SLIT3: variants seen among roughly 807,000 people sequenced by gnomAD.
SLIT3 encodes the protein slit homolog 3 protein.
Under a neutral mutation model 184.0 loss-of-function variants are expected in SLIT3, and 68 were observed. That is an observed-to-expected ratio of 0.37 (90% CI 0.30 to 0.45). SLIT3 has a LOEUF of 0.45. SLIT3 is among the 20% of genes least tolerant of loss of function. The pLI, the probability that SLIT3 is intolerant of heterozygous loss-of-function variation, is 1.00. For missense variants in SLIT3, 1,707 were observed against 2,026.0 expected, an observed-to-expected ratio of 0.84 and a Z score of 3.02; for synonymous variants, 831 against 828.6, an observed-to-expected ratio of 1.00 and a Z score of -0.05.
chr5:168,773,663 C>A (rs905457550), intron 13 of SLIT3, among the ~76,000 whole-genome samples: 5 of 152,106 alleles, frequency 3.3e-5, no homozygotes, highest in African/African-American at 1.2e-4. Context: ...GGGCTGAAAT[C>A]TGTACTTGGA....
intron 4 of SLIT3, among the ~76,000 whole-genome samples, chr5:168,950,345 T>C (rs987286607): frequency 2.6e-5 from 4 of 152,204 alleles, no homozygotes; most frequent in Non-Finnish European, 4.4e-5. Context: ...TCTGAAGTTC[T>C]AAGTCACCCA....
At chr5:169,090,493 C>T (rs1193227462) in intron 4 of SLIT3, among the ~76,000 whole-genome samples, 1 of 152,158 alleles carries the variant, frequency 6.6e-6, no homozygotes, top group African/African-American at 2.4e-5. Context: ...ATCGGCAGGC[C>T]TTGTCCTCCA....
At chr5:169,205,938 A>C (rs1197706056) in intron 3 of SLIT3, among the ~76,000 whole-genome samples, 4 of 152,242 alleles carry the variant, frequency 2.6e-5, no homozygotes, top group Non-Finnish European at 5.9e-5. Flanking sequence ...GTAGGGTGAG[A>C]GAAGCAGAGG....
chr5:168,976,272 C>T (rs534569167), intron 4 of SLIT3, among the ~76,000 whole-genome samples: 22 of 152,304 alleles, frequency 1.4e-4, no homozygotes, highest in Middle Eastern at 3.4e-3. Flanking sequence ...CTGATACACT[C>T]TTTTGCAAAC....
At chr5:168,852,212 G>C (rs540252880) in intron 5 of SLIT3, among the ~76,000 whole-genome samples, 43 of 152,336 alleles carry the variant, frequency 2.8e-4, no homozygotes, top group Non-Finnish European at 1.5e-5. Flanking sequence ...GGAGGAAGAA[G>C]CGAGAAACTG....
chr5:168,875,111 G>C (rs571938728), intron 5 of SLIT3, among the ~76,000 whole-genome samples: 8 of 148,256 alleles, frequency 5.4e-5, no homozygotes, highest in Non-Finnish European at 1.0e-4. Context: ...AAGCGGGGGA[G>C]AAAAGGAGGG....
intron 3 of SLIT3, among the ~76,000 whole-genome samples, chr5:169,193,798 T>G (rs1227367040): frequency 1.3e-5 from 2 of 152,158 alleles, no homozygotes; most frequent in African/African-American, 2.4e-5. Context: ...CTGCCACACC[T>G]CCATCAGTCT....
At chr5:169,191,108 A>G (rs1271257830) in intron 4 of SLIT3, among the ~76,000 whole-genome samples, 3 of 152,260 alleles carry the variant, frequency 2.0e-5, no homozygotes, top group African/African-American at 7.2e-5. Context: ...AACAGAGGCC[A>G]TGCTGGAACA....
chr5:169,157,487 G>A (rs908155955), intron 4 of SLIT3, among the ~76,000 whole-genome samples: 88 of 152,094 alleles, frequency 5.8e-4, no homozygotes, highest in African/African-American at 2.1e-3. Context: ...CCTCCCCCCA[G>A]GTATCAGTGG....
intron 4 of SLIT3, among the ~76,000 whole-genome samples, chr5:169,161,201 T>A (rs1461389870): frequency 6.6e-6 from 1 of 152,124 alleles, no homozygotes; most frequent in Non-Finnish European, 1.5e-5. Flanking sequence ...GGTGCCCCAG[T>A]CTCCTGACCC....
chr5:169,193,563 G>C lies in SLIT3; in HGVS notation c.342-13C>G. 2 of 1,608,854 alleles carry C rather than the reference G, an allele frequency of 1.2e-6. No individual in the cohort carries two copies. Among genetic ancestry groups the C allele is most frequent in the South Asian group, 1.1e-5 (1 of 90,976 alleles). On this transcript the variant is annotated splice_polypyrimidine_tract_variant and intron_variant, in intron 3 of 35. Transcript: ENST00000519560. ...CTTGTTCAGGCGCCTAAAGAGGAAAGAGAATGGAAGGATGTCAAGGGGACA... is the reference window on the plus strand; with the variant it reads ...CTTGTTCAGGCGCCTAAAGAGGAAACAGAATGGAAGGATGTCAAGGGGACA...
At chr5:169,146,448 C>CTTTCATCACTTCA (rs1761929506) in intron 4 of SLIT3, among the ~76,000 whole-genome samples, 1 of 152,188 alleles carries the variant, frequency 6.6e-6, no homozygotes, top group Non-Finnish European at 1.5e-5. Context: ...AGCTGCAGGG[C>CTTTCATCACTTCA]TTTCATCACT....
intron 4 of SLIT3, among the ~76,000 whole-genome samples, chr5:169,070,687 T>C (rs1758512330): frequency 6.6e-6 from 1 of 151,914 alleles, no homozygotes. Flanking sequence ...TTCCAAGGTA[T>C]TTAAAGATGC....
intron 3 of SLIT3, among the ~76,000 whole-genome samples, chr5:169,229,524 G>A (rs1764922129): frequency 6.6e-6 from 1 of 152,218 alleles, no homozygotes; most frequent in African/African-American, 2.4e-5. Context: ...AGCAGCTTCT[G>A]ATGGGAGAAC....
intron 1 of SLIT3, among the ~76,000 whole-genome samples, chr5:169,254,593 G>A (rs1267906089): frequency 6.6e-6 from 1 of 152,154 alleles, no homozygotes; most frequent in Non-Finnish European, 1.5e-5. Context: ...TGGCAGAAAT[G>A]ATGCTGCAGA....
intron 4 of SLIT3, among the ~76,000 whole-genome samples, chr5:169,051,879 G>C (rs2113062973): frequency 6.6e-6 from 1 of 152,262 alleles, no homozygotes; most frequent in African/African-American, 2.4e-5. Context: ...AGCACTGTCG[G>C]CTCTCATCCA....
intron 1 of SLIT3, among the ~76,000 whole-genome samples, chr5:169,292,610 G>C (rs1767393118): frequency 6.6e-6 from 1 of 152,148 alleles, no homozygotes; most frequent in African/African-American, 2.4e-5. Flanking sequence ...AGAGAACTCT[G>C]CTGATTATAT....
intron 4 of SLIT3, among the ~76,000 whole-genome samples, chr5:169,170,227 A>G (rs1561712414): frequency 1.3e-5 from 2 of 152,134 alleles, no homozygotes; most frequent in Non-Finnish European, 2.9e-5. Context: ...GAGGACCACA[A>G]TGTTGCTAGG....
At chr5:169,073,886 C>T (rs924569230) in intron 4 of SLIT3, among the ~76,000 whole-genome samples, 1 of 152,156 alleles carries the variant, frequency 6.6e-6, no homozygotes, top group African/African-American at 2.4e-5. Context: ...TTCCTAACCT[C>T]AGGAATTCCT....
Sources: allele counts gnomAD v4.1 joint callset (sites outside exome capture counted in the v4.1 genomes callset), GRCh38; gene constraint gnomAD v4.1.1; transcripts MANE v1.5; gene names NCBI Gene and HGNC (gene_info 2026-07-23, HGNC 2026-07-21).